Variants in DIPK2B observed in about 807,000 individuals in gnomAD.
DIPK2B encodes the protein divergent protein kinase domain 2B, also known as UPF0672 protein CXorf36.
DIPK2B carries 15 observed loss-of-function variants against 22.2 expected under a neutral mutation model. The observed-to-expected ratio is 0.68, with a 90% confidence interval of 0.45 to 1.04. The LOEUF (loss-of-function observed/expected upper bound fraction) is 1.04. Among genes scored for constraint, DIPK2B ranks in the 50% least tolerant of loss-of-function variants. The probability of loss-of-function intolerance (pLI) is 0.00; values close to 1 mark genes in which losing one functional copy is unlikely to be tolerated. For synonymous variants in DIPK2B, 163 were observed against 153.2 expected (o/e 1.06, Z -0.47); for missense variants, 345 against 348.3 (o/e 0.99, Z 0.08).
intron 2 of DIPK2B, among the ~76,000 whole-genome samples, chrX:45,160,414 T>C (rs2047016957): frequency 9.0e-6 from 1 of 111,026 alleles, no homozygotes; most frequent in African/African-American, 3.3e-5. Flanking sequence ...TTCACCATCT[T>C]GGCCAGACTG....
intron 2 of DIPK2B, among the ~76,000 whole-genome samples, chrX:45,179,221 G>A (rs1417339511): frequency 1.8e-5 from 2 of 111,367 alleles, no homozygotes; most frequent in African/African-American, 3.3e-5. Context: ...AATGTCAATA[G>A]TCTTGAGATT....
chrX:45,167,188 T>C (rs929135553), intron 2 of DIPK2B, among the ~76,000 whole-genome samples: 1 of 112,162 alleles, frequency 8.9e-6, no homozygotes, highest in African/African-American at 3.2e-5. Flanking sequence ...TTTTGGTTTG[T>C]GTCATTAAGA....
chrX:45,179,500 A>G (rs1162463148), intron 2 of DIPK2B, among the ~76,000 whole-genome samples: 1 of 111,629 alleles, frequency 9.0e-6, no homozygotes, highest in Non-Finnish European at 1.9e-5. Flanking sequence ...AAGTCTGGTT[A>G]AGATTTTAAG....
intron 3 of DIPK2B, among the ~76,000 whole-genome samples, chrX:45,155,751 G>GGAA (rs1282277208): frequency 9.1e-6 from 1 of 109,795 alleles, no homozygotes; most frequent in East Asian, 2.9e-4. Context: ...AAAGTGGGGA[G>GGAA]GAATCCTGGC....
At chrX:45,191,549 A>G (rs2047210658) in intron 2 of DIPK2B, 1 of 453,378 alleles carries the variant, frequency 2.2e-6, no homozygotes, top group Non-Finnish European at 3.7e-6. Context: ...ATGAGAAATG[A>G]CAGTGGGATG....
intron 1 of DIPK2B, 96 bp downstream of exon 1, chrX:45,200,498 T>C: frequency 1.3e-6 from 1 of 791,366 alleles, no homozygotes; most frequent in Non-Finnish European, 1.8e-6. Context: ...CTCCCACCCA[T>C]ATTACATCCT....
intron 2 of DIPK2B, among the ~76,000 whole-genome samples, chrX:45,165,382 A>G (rs1774215189): frequency 8.9e-6 from 1 of 111,770 alleles, no homozygotes; most frequent in African/African-American, 3.3e-5. Flanking sequence ...ACTCTAATGA[A>G]TCTCTCAGGA....
intron 1 of DIPK2B, among the ~76,000 whole-genome samples, chrX:45,197,889 C>T (rs891679280): frequency 1.8e-5 from 2 of 111,554 alleles, no homozygotes; most frequent in African/African-American, 6.5e-5. Context: ...GGATGTTTGA[C>T]ATAGAACTGT....
rs1208760672 is a variant in DIPK2B, at chrX:45,195,452, C to T, written c.234-3437G>A. On this transcript the variant is annotated intron_variant, in intron 1 of 4. Transcript: ENST00000398000. ...AGCTTTGGAATTAGAATAAAATGCC[C>T]TCTTCTCGTGCATTCTTCTCATGCT... Among the ~76,000 whole-genome samples the T allele has an allele frequency of 2.7e-5, 3 of 111,767 alleles. No individual in the cohort carries two copies. The Admixed American group carries it at 2.9e-4, about 11-fold the overall frequency.
chrX:45,150,440 T>A lies in DIPK2B; in HGVS notation c.*1212A>T, dbSNP rs1452052801. 1 of 112,209 alleles carries A rather than the reference T, an allele frequency of 8.9e-6. No homozygotes were observed. Among genetic ancestry groups the A allele is most frequent in the Non-Finnish European group, 1.9e-5 (1 of 53,246 alleles). 9.2% of individuals were successfully genotyped at this position (112,209 alleles called of 1,213,427 possible). A position where few individuals can be genotyped will look rare whatever the true frequency, so the allele number is the denominator to read the frequency against. ...AAAAGTATTTTTCTGATGAGTGACC[T>A]GTAAGGCCAAGTTTGAATGAAAATT... On this transcript the variant is annotated 3_prime_UTR_variant, in exon 5 of 5. Coordinates refer to ENST00000398000, the MANE Select transcript of DIPK2B (RefSeq NM_176819.4).
chrX:45,158,603 C>T (rs2047007906), intron 2 of DIPK2B, among the ~76,000 whole-genome samples: 1 of 109,839 alleles, frequency 9.1e-6, no homozygotes, highest in Admixed American at 9.7e-5. Flanking sequence ...ACACCTTTTT[C>T]CCCATGCTGA....
intron 2 of DIPK2B, among the ~76,000 whole-genome samples, chrX:45,160,469 C>G (rs1419457065): frequency 9.0e-6 from 1 of 111,667 alleles, no homozygotes; most frequent in African/African-American, 3.3e-5. Flanking sequence ...CTCAGCCTCC[C>G]AAAGTGCTGG....
rs796668150 is a variant in DIPK2B at position 45,170,717 on chromosome X, GAC to G, written c.499-12831_499-12830del. Among the ~76,000 whole-genome samples the G allele has an allele frequency of 3.6e-5, 4 of 112,410 alleles. No homozygotes were observed. The South Asian group carries it at 1.1e-3, about 31-fold the overall frequency. On this transcript the variant is annotated intron_variant, in intron 2 of 4. Transcript: ENST00000398000. ...TTTACCAGGGTAAATGCCAGCCTGA[GAC>G]ACCCTTTGGGAGCCAAAAGAAAGGA...
At chrX:45,169,636 C>T (rs1220633139) in intron 2 of DIPK2B, among the ~76,000 whole-genome samples, 1 of 112,051 alleles carries the variant, frequency 8.9e-6, no homozygotes, top group Non-Finnish European at 1.9e-5. Flanking sequence ...GGTCTCTGGA[C>T]ATCATAGACA....
At chrX:45,185,899 GC>G (rs1329319696) in intron 2 of DIPK2B, among the ~76,000 whole-genome samples, 1 of 110,792 alleles carries the variant, frequency 9.0e-6, no homozygotes, top group Non-Finnish European at 1.9e-5. Context: ...TGATCCGCCC[GC>G]CTCGGCCTCC....
chrX:45,180,200 G>T (rs1341801705), intron 2 of DIPK2B, among the ~76,000 whole-genome samples: 1 of 111,851 alleles, frequency 8.9e-6, no homozygotes, highest in East Asian at 2.8e-4. Flanking sequence ...TATTTAAAAA[G>T]GGGGGAACAA....
chrX:45,198,431 T>C (rs2047251520), intron 1 of DIPK2B, among the ~76,000 whole-genome samples: 1 of 111,657 alleles, frequency 9.0e-6, no homozygotes, highest in Non-Finnish European at 1.9e-5. Context: ...ATTCTCAATG[T>C]GCAGAGCTAT....
Position 45,200,718 on chromosome X carries a change from G to A in DIPK2B, c.109C>T (p.Leu37Phe). Residue 37 changes from leucine (L) to phenylalanine (F), a missense_variant, in exon 1 of 5, where the codon CTT (leucine) becomes TTT (phenylalanine). Leu to Phe is a conservative substitution (Grantham distance 22, BLOSUM62 0). Transcript: ENST00000398000. ...SCSFSLPASS[L>F]SSLVPQVRTS... ...CTGACTTGGGGCACCAGAGAAGAAAGGGAAGAAGCTGGCAAGGAGAAAGAA... is the reference window on the plus strand; with the variant it reads ...CTGACTTGGGGCACCAGAGAAGAAAAGGAAGAAGCTGGCAAGGAGAAAGAA... 1 of 1,212,365 alleles carries A rather than the reference G, an allele frequency of 8.2e-7. No individual in the cohort carries two copies. Among genetic ancestry groups the A allele is most frequent in the Non-Finnish European group, 1.1e-6 (1 of 895,589 alleles).
chrX:45,170,350 G>A (rs1003512556), intron 2 of DIPK2B, among the ~76,000 whole-genome samples: 3 of 111,492 alleles, frequency 2.7e-5, no homozygotes, highest in Non-Finnish European at 5.7e-5. Context: ...CCAGGCCACT[G>A]GCACTCACCC....
Sources: gnomAD v4.1 joint callset for allele counts (sites outside exome capture counted in the v4.1 genomes callset) on GRCh38, gnomAD v4.1.1 for gene constraint, MANE v1.5 for transcripts, NCBI Gene and HGNC (gene_info 2026-07-23, HGNC 2026-07-21) for gene names.